KCNT2: variants seen among roughly 807,000 people sequenced by gnomAD.
KCNT2 encodes the protein potassium sodium-activated channel subfamily T member 2.
KCNT2 carries 67 observed loss-of-function variants against 153.8 expected under a neutral mutation model. That is an observed-to-expected ratio of 0.44 (90% CI 0.36 to 0.53). The LOEUF (loss-of-function observed/expected upper bound fraction) is 0.53, where lower values mean the gene tolerates loss of function less well. KCNT2 is among the 20% of genes least tolerant of loss of function. The probability of loss-of-function intolerance (pLI) is 0.00; values close to 1 mark genes in which losing one functional copy is unlikely to be tolerated. For synonymous variants in KCNT2, 500 were observed against 458.8 expected, an observed-to-expected ratio of 1.09 and a Z score of -1.15; for missense variants, 975 against 1,354.8, an observed-to-expected ratio of 0.72 and a Z score of 4.40.
At chr1:196,606,913 C>T (rs111887824) in intron 1 of KCNT2, among the ~76,000 whole-genome samples, 9,022 of 152,024 alleles carry the variant, frequency 0.059, 404 homozygotes, top group Non-Finnish European at 0.088. Context: ...TTCAGTTTAC[C>T]CAAACACTTT....
chr1:196,448,686 A>G (rs1483408093), intron 8 of KCNT2, among the ~76,000 whole-genome samples: 1 of 151,722 alleles, frequency 6.6e-6, no homozygotes, highest in East Asian at 1.9e-4. Flanking sequence ...TGAAGTTTAT[A>G]TAATATTCTT....
intron 18 of KCNT2, among the ~76,000 whole-genome samples, chr1:196,330,728 C>T (rs1664378048): frequency 6.6e-6 from 1 of 151,962 alleles, no homozygotes; most frequent in Non-Finnish European, 1.5e-5. Context: ...TGAGCTTTCA[C>T]TTTAGTCATA....
intron 25 of KCNT2, among the ~76,000 whole-genome samples, chr1:196,263,455 G>A (rs937121883): frequency 1.3e-5 from 2 of 152,016 alleles, no homozygotes; most frequent in Non-Finnish European, 2.9e-5. Flanking sequence ...ATGGACACAG[G>A]GAGGGGAACA....
intron 14 of KCNT2, among the ~76,000 whole-genome samples, chr1:196,363,037 A>G (rs1046420067): frequency 1.3e-5 from 2 of 152,080 alleles, no homozygotes; most frequent in Non-Finnish European, 2.9e-5. Flanking sequence ...ATTAGTACTC[A>G]TTGAGGAGTC....
chr1:196,575,592 C>T (rs916285089), intron 1 of KCNT2, among the ~76,000 whole-genome samples: 15 of 149,966 alleles, frequency 1.0e-4, no homozygotes, highest in Non-Finnish European at 1.6e-4. Flanking sequence ...CATATATTTA[C>T]AATAATATAA....
chr1:196,454,347 G>A (rs1676474795), intron 8 of KCNT2, among the ~76,000 whole-genome samples: 2 of 151,870 alleles, frequency 1.3e-5, no homozygotes, highest in Non-Finnish European at 2.9e-5. Flanking sequence ...GTATCTAACA[G>A]GTAGTTTTTC....
In KCNT2 at chr1:196,339,382, A is replaced by T. The variant is rs149259554; in HGVS notation, c.1783+959T>A. Among the ~76,000 whole-genome samples, 3 of 152,194 alleles carry T rather than the reference A, an allele frequency of 2.0e-5. No homozygotes were observed. In the East Asian group the frequency reaches 5.8e-4, roughly 29 times the overall value. On this transcript the variant is annotated intron_variant, in intron 16 of 27. Transcript: ENST00000294725. ...GATTGAACTGGGTAGAATCATGGACATAGGACAACAATAAAATTTAAAGCC... is the reference window on the plus strand; with the variant it reads ...GATTGAACTGGGTAGAATCATGGACTTAGGACAACAATAAAATTTAAAGCC...
intron 1 of KCNT2, among the ~76,000 whole-genome samples, chr1:196,534,976 T>A (rs1655376350): frequency 6.6e-6 from 1 of 152,232 alleles, no homozygotes; most frequent in Non-Finnish European, 1.5e-5. Context: ...CACTTCCGTT[T>A]TCTTTACTTA....
chr1:196,478,805 T>C (rs984529565), intron 5 of KCNT2, among the ~76,000 whole-genome samples: 18 of 152,166 alleles, frequency 1.2e-4, no homozygotes, highest in Non-Finnish European at 2.1e-4. Context: ...CAAACAAAGC[T>C]TTATCAAAAA....
At position 196,487,474 on chromosome 1, in the gene KCNT2, G is replaced by A. The variant is rs545193838; in HGVS notation, c.275+2364C>T. 3.3e-5 allele frequency among the ~76,000 whole-genome samples: 5 copies of A among 151,266 alleles called. No individual in the cohort carries two copies. The South Asian group carries it at 8.3e-4, about 25-fold the overall frequency. Reference sequence around the variant, plus strand: ...TGTCTGTGTGTGTATGTTTGTGTATGTGAATCATTATATGGAGAAAAGGTT... The same window carrying A: ...TGTCTGTGTGTGTATGTTTGTGTATATGAATCATTATATGGAGAAAAGGTT... On this transcript the variant is annotated intron_variant, in intron 3 of 27. Transcript: ENST00000294725.
chr1:196,258,698 G>T, intron 25 of KCNT2: 1 of 619,028 alleles, frequency 1.6e-6, no homozygotes. Flanking sequence ...TATAAATCAG[G>T]CAAAATAAAT....
intron 25 of KCNT2, chr1:196,258,803 T>C (rs2147781692): frequency 3.6e-6 from 1 of 279,348 alleles, no homozygotes; most frequent in Non-Finnish European, 7.0e-6. Context: ...ATTACTAGCA[T>C]ACAGTTGTTT....
chr1:196,277,226 T>A lies in KCNT2; in HGVS notation c.2910+3634A>T, dbSNP rs562545347. Among the ~76,000 whole-genome samples, 7 of 152,248 alleles carry A rather than the reference T, an allele frequency of 4.6e-5. 1 individual carries two copies. In the South Asian group the frequency reaches 1.5e-3, roughly 32 times the overall value. On this transcript the variant is annotated intron_variant, in intron 25 of 27. Transcript: ENST00000294725. ...TTCACTTCTGTTGGGAATTTTTAGTTGTCTTCTTCTTAGAGTAAATGACTA... is the reference window on the plus strand; with the variant it reads ...TTCACTTCTGTTGGGAATTTTTAGTAGTCTTCTTCTTAGAGTAAATGACTA...
At chr1:196,562,362 G>A (rs1045941726) in intron 1 of KCNT2, among the ~76,000 whole-genome samples, 1 of 151,944 alleles carries the variant, frequency 6.6e-6, no homozygotes, top group Non-Finnish European at 1.5e-5. Flanking sequence ...GCATTCAAAA[G>A]GAAGGAGGGT....
At position 196,465,386 on chromosome 1, in the gene KCNT2, T is replaced by C. The variant is rs1262376349; in HGVS notation, c.545A>G (p.Asn182Ser). The change falls in exon 8 of 28, where the codon AAT becomes AGT. Residue 182 changes from asparagine to serine, a missense_variant and splice_region_variant. Asn to Ser is a conservative substitution (Grantham distance 46). Coordinates refer to ENST00000294725, the MANE Select transcript of KCNT2 (RefSeq NM_198503.5). ...ACGCTGAATGGCTCTGTGTAGATCA[T>C]TCTAAAATAATACAGAAAAAAAGTT... ...LAKHALENMINDLHRAIQRTQ... is the reference protein window; with the variant it reads ...LAKHALENMISDLHRAIQRTQ... 2 of 1,575,810 alleles carry C rather than the reference T, an allele frequency of 1.3e-6. No homozygotes were observed. Among genetic ancestry groups the C allele is most frequent in the Non-Finnish European group, 1.7e-6 (2 of 1,151,728 alleles).
intron 12 of KCNT2, among the ~76,000 whole-genome samples, chr1:196,405,917 A>G (rs1671793342): frequency 6.6e-6 from 1 of 151,590 alleles, no homozygotes; most frequent in Non-Finnish European, 1.5e-5. Context: ...TATAAAATAA[A>G]TAAAGAGTAA....
chr1:196,490,392 A>G (rs919350309), intron 2 of KCNT2, among the ~76,000 whole-genome samples: 2 of 149,788 alleles, frequency 1.3e-5, no homozygotes, highest in African/African-American at 4.9e-5. Context: ...GAAATTAATT[A>G]TATTTGTATA....
At chr1:196,389,831 A>C (rs1489960381) in intron 13 of KCNT2, among the ~76,000 whole-genome samples, 1 of 151,636 alleles carries the variant, frequency 6.6e-6, no homozygotes, top group Admixed American at 6.6e-5. Flanking sequence ...TCTGGGGCTA[A>C]GTCAGTCTTA....
intron 12 of KCNT2, among the ~76,000 whole-genome samples, chr1:196,404,948 A>G (rs561121087): frequency 6.6e-6 from 1 of 151,800 alleles, no homozygotes; most frequent in East Asian, 1.9e-4. Context: ...ATGGATGAAT[A>G]CAGGAGATAA....
Sources: gnomAD v4.1 joint callset for allele counts (sites outside exome capture counted in the v4.1 genomes callset) on GRCh38, gnomAD v4.1.1 for gene constraint, MANE v1.5 for transcripts, NCBI Gene and HGNC (gene_info 2026-07-23, HGNC 2026-07-21) for gene names.